APOO: variants seen among roughly 807,000 people sequenced by gnomAD.
The protein encoded by APOO is apolipoprotein O, also known as MICOS complex subunit MIC26.
A neutral mutation model predicts 23.1 loss-of-function variants in APOO; 11 were observed. That is an observed-to-expected ratio of 0.48 (90% CI 0.30 to 0.79). The LOEUF is 0.79. APOO is among the 30% of genes least tolerant of loss of function. The pLI, the probability that APOO is intolerant of heterozygous loss-of-function variation, is 0.07. For missense variants in APOO, 160 were observed against 142.7 expected, an observed-to-expected ratio of 1.12 and a Z score of -0.62; for synonymous variants, 59 against 54.8, an observed-to-expected ratio of 1.08 and a Z score of -0.34.
At chrX:23,841,486 TA>T (rs543879334) in intron 7 of APOO, among the ~76,000 whole-genome samples, 3,149 of 65,065 alleles carry the variant, frequency 0.048, 137 homozygotes, top group African/African-American at 0.13. Context: ...AAAAGAAGTT[TA>T]AAAAAAAAAA....
intron 1 of APOO, among the ~76,000 whole-genome samples, chrX:23,886,237 A>C (rs1158540946): frequency 9.0e-6 from 1 of 111,424 alleles, no homozygotes; most frequent in Non-Finnish European, 1.9e-5. Flanking sequence ...ACTTGAAGAA[A>C]ATCTGTATGT....
At chrX:23,858,609 G>A (rs770499892) in intron 6 of APOO, 33 bp downstream of exon 6, 5 of 1,149,398 alleles carry the variant, frequency 4.4e-6, no homozygotes, top group East Asian at 6.0e-5. Flanking sequence ...AAACAAGAAT[G>A]AGGGACATCA....
At chrX:23,898,540 G>A (rs758878165) in intron 1 of APOO, among the ~76,000 whole-genome samples, 87 of 106,983 alleles carry the variant, frequency 8.1e-4, no homozygotes, top group Non-Finnish European at 1.5e-3. Flanking sequence ...GCCTTTTTTG[G>A]AAAAAAAAAA....
chrX:23,855,488 AT>A (rs202220660), intron 7 of APOO, among the ~76,000 whole-genome samples: 4 of 110,648 alleles, frequency 3.6e-5, no homozygotes, highest in Non-Finnish European at 7.6e-5. Flanking sequence ...TCAGTTATTT[AT>A]TTTTTTTTAA....
chrX:23,872,131 A>G (rs1386164684), intron 4 of APOO, among the ~76,000 whole-genome samples: 1 of 111,782 alleles, frequency 8.9e-6, no homozygotes, highest in Admixed American at 9.6e-5. Flanking sequence ...AGGGACACCC[A>G]GATGGCTCTG....
At chrX:23,839,300 T>A (rs138246252) in intron 8 of APOO, among the ~76,000 whole-genome samples, 9 of 112,279 alleles carry the variant, frequency 8.0e-5, no homozygotes, top group Middle Eastern at 4.6e-3. Context: ...CTCAGAATTG[T>A]CCCAGGATGG....
At chrX:23,866,183 T>C (rs1925327914) in intron 5 of APOO, among the ~76,000 whole-genome samples, 2 of 111,704 alleles carry the variant, frequency 1.8e-5, no homozygotes, top group African/African-American at 6.5e-5. Flanking sequence ...TCTACATTCC[T>C]ATCTCCCTAA....
intron 7 of APOO, among the ~76,000 whole-genome samples, chrX:23,850,920 G>A (rs184972055): frequency 9.0e-6 from 1 of 110,815 alleles, no homozygotes; most frequent in East Asian, 2.8e-4. Flanking sequence ...AATGTTAAGG[G>A]AACAAAACAA....
At chrX:23,863,892 G>A (rs1925215050) in intron 5 of APOO, among the ~76,000 whole-genome samples, 1 of 111,092 alleles carries the variant, frequency 9.0e-6, no homozygotes, top group Non-Finnish European at 1.9e-5. Context: ...AAAACCAGTA[G>A]AGGATGAAAC....
At chrX:23,889,961 C>A (rs1031384117) in intron 1 of APOO, among the ~76,000 whole-genome samples, 7 of 111,017 alleles carry the variant, frequency 6.3e-5, no homozygotes, top group Non-Finnish European at 9.4e-5. Flanking sequence ...GCGCCTGGCC[C>A]ACCTGGGGAA....
chrX:23,882,611 G>A (rs1053763113), intron 1 of APOO, among the ~76,000 whole-genome samples: 1 of 111,132 alleles, frequency 9.0e-6, no homozygotes, highest in African/African-American at 3.3e-5. Flanking sequence ...CTTCCATTCT[G>A]GTAGGAAGAA....
rs147456907 is a variant in APOO, at chrX:23,834,648, T to C, written c.*30-1036A>G. 2.7e-5 allele frequency among the ~76,000 whole-genome samples: 3 copies of C among 111,120 alleles called. No homozygotes were observed. The East Asian group carries it at 8.5e-4, about 31-fold the overall frequency. On this transcript the variant is annotated intron_variant, in intron 8 of 8. Transcript: ENST00000379226. ...AATTTTCCTCGCATCACCCCCATCA[T>C]ACTTTTCTGGAATAAAATACACATA... is the stretch of plus-strand genomic sequence containing the variant.
intron 2 of APOO, among the ~76,000 whole-genome samples, chrX:23,880,416 C>G (rs1218328797): frequency 8.9e-6 from 1 of 111,987 alleles, no homozygotes; most frequent in Non-Finnish European, 1.9e-5. Flanking sequence ...TAAATGTCTT[C>G]TGGCTGGGCG....
At chrX:23,887,255 GAC>G (rs1926412805) in intron 1 of APOO, among the ~76,000 whole-genome samples, 1 of 24,423 alleles carries the variant, frequency 4.1e-5, no homozygotes, top group African/African-American at 1.4e-4. Context: ...TTTTTTTTGC[GAC>G]AGAGTCTCCC....
intron 5 of APOO, among the ~76,000 whole-genome samples, chrX:23,864,000 T>G (rs1039608753): frequency 2.6e-4 from 28 of 108,904 alleles, no homozygotes; most frequent in Non-Finnish European, 4.8e-4. Flanking sequence ...TATTGATTTT[T>G]TTTTTTTTTT....
At chrX:23,889,656 GTTTTT>G (rs138373055) in intron 1 of APOO, among the ~76,000 whole-genome samples, 1 of 61,876 alleles carries the variant, frequency 1.6e-5, no homozygotes, top group Non-Finnish European at 2.9e-5. Context: ...CTGGGGAGTT[GTTTTT>G]TTTTTTTTTT....
At chrX:23,838,580 CT>C (rs1210311671) in intron 8 of APOO, among the ~76,000 whole-genome samples, 54 of 97,824 alleles carry the variant, frequency 5.5e-4, no homozygotes, top group Admixed American at 5.6e-4. Flanking sequence ...CCATGCCTGG[CT>C]TTTTTTTTTT....
At chrX:23,864,662 A>G (rs1239150402) in intron 5 of APOO, among the ~76,000 whole-genome samples, 1 of 112,221 alleles carries the variant, frequency 8.9e-6, no homozygotes, top group Non-Finnish European at 1.9e-5. Context: ...ATTGGCTTTA[A>G]AACTTTAAAC....
chrX:23,843,378 G>T (rs1924083132), intron 7 of APOO, among the ~76,000 whole-genome samples: 1 of 110,414 alleles, frequency 9.1e-6, no homozygotes, highest in African/African-American at 3.3e-5. Context: ...GATCTCTCTT[G>T]GCAGAGAACT....
Sources: gnomAD v4.1 joint callset for allele counts (sites outside exome capture counted in the v4.1 genomes callset) on GRCh38, gnomAD v4.1.1 for gene constraint, MANE v1.5 for transcripts, NCBI Gene and HGNC (gene_info 2026-07-23, HGNC 2026-07-21) for gene names.